The following BPIFB1 variants were observed in gnomAD, a reference collection of about 807,000 sequenced individuals.
BPIFB1 encodes BPI fold-containing family B member 1.
Under a neutral mutation model 55.1 loss-of-function variants are expected in BPIFB1, and 34 were observed. The observed-to-expected ratio is 0.62, with a 90% confidence interval of 0.47 to 0.82. The LOEUF (loss-of-function observed/expected upper bound fraction) is 0.82, where lower values mean the gene tolerates loss of function less well. BPIFB1 is among the 40% of genes least tolerant of loss of function. BPIFB1 has a pLI of 0.00. For synonymous variants in BPIFB1, 236 were observed against 245.3 expected (o/e 0.96, Z 0.35); for missense variants, 532 against 593.1 (o/e 0.90, Z 1.07).
chr20:33,301,022 G>T (rs75075176), intron 8 of BPIFB1, among the ~76,000 whole-genome samples: 3,744 of 152,196 alleles, frequency 0.025, 166 homozygotes, highest in African/African-American at 0.086. Flanking sequence ...GAAAAAAAAC[G>T]AAGATATCTG....
intron 6 of BPIFB1, among the ~76,000 whole-genome samples, chr20:33,293,966 A>T (rs1980554086): frequency 6.6e-6 from 1 of 152,202 alleles, no homozygotes; most frequent in African/African-American, 2.4e-5. Context: ...TTCAAGAAAA[A>T]TACAGTAAAA....
chr20:33,304,442 A>G (rs1049922177), intron 12 of BPIFB1, among the ~76,000 whole-genome samples: 2 of 152,234 alleles, frequency 1.3e-5, no homozygotes, highest in Admixed American at 1.3e-4. Context: ...TCTTTTGATC[A>G]GCCCACATAG....
intron 2 of BPIFB1, among the ~76,000 whole-genome samples, chr20:33,287,349 G>A (rs2146525609): frequency 6.6e-6 from 1 of 152,366 alleles, no homozygotes; most frequent in South Asian, 2.1e-4. Context: ...TGTGGCGACT[G>A]AAGCTCAGTC....
intron 8 of BPIFB1, 62 bp downstream of exon 8, chr20:33,300,046 G>GT: frequency 2.9e-6 from 4 of 1,400,274 alleles, no homozygotes; most frequent in South Asian, 1.2e-5. Context: ...TGACCACCAG[G>GT]AGTCAGATAG....
chr20:33,307,155 G>A lies in BPIFB1; in HGVS notation c.1395+168G>A, dbSNP rs567608474. On this transcript the variant is annotated intron_variant, in intron 15 of 15. Coordinates refer to ENST00000253354, the MANE Select transcript of BPIFB1 (RefSeq NM_033197.3). ...TCATCTGCAAGTGAGAAGGTTGGCT[G>A]TGCTGAGGATGGAACCCTCCTAGCC... The A allele has an allele frequency of 3.8e-5, 24 of 626,556 alleles. No individual in the cohort carries two copies. The East Asian group carries it at 5.5e-4, about 14-fold the overall frequency. The allele number at this position is 626,556 out of a possible 1,614,324, so 38.8% of individuals were successfully genotyped here. A position where few individuals can be genotyped will look rare whatever the true frequency, so the allele number is the denominator to read the frequency against.
Position 33,291,014 on chromosome 20 carries a change from C to A in BPIFB1, c.423C>A (p.Ile141=), listed in dbSNP as rs548920686. 7 of 1,613,988 alleles carry A rather than the reference C, an allele frequency of 4.3e-6. No homozygotes were observed. Among genetic ancestry groups the A allele is most frequent in the African/African-American group, 2.7e-5 (2 of 75,060 alleles). ...TGACGACTGAGGCCCAAGCCACCAT[C>A]CGCATGGACACCAGTGCAAGTGGCC... ...FHMTTEAQAT[I]RMDTSASGPT... Residue 141 remains isoleucine (I), a synonymous_variant, in exon 5 of 16, where the codon ATC becomes ATA. Coordinates refer to ENST00000253354, the MANE Select transcript of BPIFB1 (RefSeq NM_033197.3).
At chr20:33,284,851 G>A (rs900418236) in intron 1 of BPIFB1, among the ~76,000 whole-genome samples, 2 of 152,130 alleles carry the variant, frequency 1.3e-5, no homozygotes, top group Non-Finnish European at 2.9e-5. Flanking sequence ...TCCTCTCCCT[G>A]GCATGAGCCA....
intron 2 of BPIFB1, 123 bp from the exon 3 acceptor site, chr20:33,288,618 A>T: frequency 8.6e-7 from 1 of 1,162,748 alleles, no homozygotes. Flanking sequence ...CACAGTAGAG[A>T]TGGCTACACC....
intron 2 of BPIFB1, 28 bp from the exon 3 acceptor site, chr20:33,288,713 G>T: frequency 6.2e-7 from 1 of 1,607,016 alleles, no homozygotes; most frequent in South Asian, 1.1e-5. Flanking sequence ...CCTCCTCCTG[G>T]GCCCTAATCC....
rs76655352 is a variant in BPIFB1 at position 33,309,611 on chromosome 20, G to C, written c.1396-97G>C. ...TGTGGGTTCAGGGTCATGGTCCCCCGGTGCCAGCAGTCACCTTATGGAGGA... is the reference window on the plus strand; with the variant it reads ...TGTGGGTTCAGGGTCATGGTCCCCCCGTGCCAGCAGTCACCTTATGGAGGA... On this transcript the variant is annotated intron_variant, in intron 15 of 15. Transcript: ENST00000253354. This position sits in a 1 kb window ranked among gnomAD's most constrained non-coding sequence, Gnocchi z 4.4. 2 of 1,161,904 alleles carry C rather than the reference G, an allele frequency of 1.7e-6. No homozygotes were observed. Among genetic ancestry groups the C allele is most frequent in the South Asian group, 1.2e-5 (1 of 80,010 alleles). The allele number at this position is 1,161,904 out of a possible 1,614,324, so 72.0% of individuals were successfully genotyped here.
chr20:33,287,966 C>G (rs1980325671), intron 2 of BPIFB1, among the ~76,000 whole-genome samples: 1 of 152,174 alleles, frequency 6.6e-6, no homozygotes, highest in African/African-American at 2.4e-5. Context: ...TTCACTGGGC[C>G]CAGTTCCATT....
chr20:33,309,677 C>G lies in BPIFB1; in HGVS notation c.1396-31C>G, dbSNP rs754442472. 2.5e-6 allele frequency: 4 copies of G among 1,610,396 alleles called. No individual in the cohort carries two copies. In the East Asian group the frequency reaches 8.9e-5, roughly 36 times the overall value. Reference sequence around the variant, plus strand: ...CCACAAGGCAAAAGGTTAAAGAAACCTGTTTTCTGACTTTTCCCCTCCAAT... The same window carrying G: ...CCACAAGGCAAAAGGTTAAAGAAACGTGTTTTCTGACTTTTCCCCTCCAAT... On this transcript the variant is annotated intron_variant, in intron 15 of 15. Coordinates refer to ENST00000253354, the MANE Select transcript of BPIFB1 (RefSeq NM_033197.3). This position sits in a 1 kb window ranked among gnomAD's most constrained non-coding sequence, Gnocchi z 4.4.
At chr20:33,304,099 A>G (rs1980940900) in intron 12 of BPIFB1, 74 bp downstream of exon 12, 2 of 1,390,428 alleles carry the variant, frequency 1.4e-6, no homozygotes, top group South Asian at 2.4e-5. Context: ...GTTTCTTTAA[A>G]CACCGACTTT....
chr20:33,306,881 A>T (rs1159296491), intron 14 of BPIFB1, 30 bp from the exon 15 acceptor site: 2 of 1,595,830 alleles, frequency 1.3e-6, no homozygotes, highest in Admixed American at 3.3e-5. Context: ...CCCCAGGCCC[A>T]TCAGTTTCTG....
chr20:33,297,931 A>G (rs1240652878), intron 7 of BPIFB1, among the ~76,000 whole-genome samples: 1 of 152,164 alleles, frequency 6.6e-6, no homozygotes, highest in East Asian at 1.9e-4. Flanking sequence ...AACCATCCCT[A>G]CAACATAGGA....
Position 33,301,220 on chromosome 20 carries a change from T to C in BPIFB1, c.748-13T>C. ...TTAAAATTCTTAGCTGACTCCCTGC[T>C]CTGTCTCCTCAGGCCAAGTTGTTGG... On this transcript the variant is annotated splice_polypyrimidine_tract_variant and intron_variant, in intron 8 of 15. Transcript: ENST00000253354. 2 of 1,611,820 alleles carry C rather than the reference T, an allele frequency of 1.2e-6. No homozygotes were observed. Among genetic ancestry groups the C allele is most frequent in the Non-Finnish European group, 1.7e-6 (2 of 1,178,034 alleles).
chr20:33,295,876 G>C lies in BPIFB1; in HGVS notation c.598-1649G>C, dbSNP rs990959641. ...AAGGAAAGAAGGAAGGAAGGGGATTGGGAAGGGAAGGAAGGAAAGAAGGAA... is the reference window on the plus strand; with the variant it reads ...AAGGAAAGAAGGAAGGAAGGGGATTCGGAAGGGAAGGAAGGAAAGAAGGAA... On this transcript the variant is annotated intron_variant, in intron 6 of 15. Coordinates refer to ENST00000253354, the MANE Select transcript of BPIFB1 (RefSeq NM_033197.3). Among the ~76,000 whole-genome samples the C allele has an allele frequency of 3.9e-4, 56 of 142,302 alleles. 1 individual carries two copies. Among genetic ancestry groups the C allele is most frequent in the African/African-American group, 1.4e-3 (54 of 37,810 alleles). 93.4% of individuals were successfully genotyped at this position (142,302 alleles called of 152,430 possible).
At chr20:33,290,341 T>C (rs1179868087) in intron 4 of BPIFB1, among the ~76,000 whole-genome samples, 1 of 152,160 alleles carries the variant, frequency 6.6e-6, no homozygotes, top group African/African-American at 2.4e-5. Flanking sequence ...TAAAGACTCC[T>C]GGCTGCTGTG....
chr20:33,301,195 T>C (rs1398239657), intron 8 of BPIFB1, 38 bp from the exon 9 acceptor site: 5 of 1,591,438 alleles, frequency 3.1e-6, no homozygotes, highest in Admixed American at 1.7e-5. Flanking sequence ...AGCTGCAGAG[T>C]TAAAATTCTT....
Sources: allele counts gnomAD v4.1 joint callset (sites outside exome capture counted in the v4.1 genomes callset), GRCh38; gene constraint gnomAD v4.1.1; non-coding constraint Gnocchi (gnomAD v3.1); transcripts MANE v1.5; gene names NCBI Gene and HGNC (gene_info 2026-07-23, HGNC 2026-07-21).